The following CAVIN1 variants were observed in gnomAD, a reference collection of about 807,000 sequenced individuals.
CAVIN1 encodes caveolae-associated protein 1.
A neutral mutation model predicts 24.0 loss-of-function variants in CAVIN1; 16 were observed. The observed-to-expected ratio is 0.67, with a 90% CI of 0.45 to 1.01. The LOEUF (loss-of-function observed/expected upper bound fraction) is 1.01. Among genes scored for constraint, CAVIN1 ranks in the 50% least tolerant of loss-of-function variants. The pLI, the probability that CAVIN1 is intolerant of heterozygous loss-of-function variation, is 0.00. For synonymous variants in CAVIN1, 256 were observed against 256.4 expected, an observed-to-expected ratio of 1.00 and a Z score of 0.02; for missense variants, 510 against 551.7, an observed-to-expected ratio of 0.92 and a Z score of 0.76.
At position 42,411,192 on chromosome 17, in the gene CAVIN1, C is replaced by CAAA. The variant is rs71157624; in HGVS notation, c.472-5807_472-5805dup. Among the ~76,000 whole-genome samples, 26 of 46,660 alleles carry CAAA rather than the reference C, an allele frequency of 5.6e-4. 2 individuals are homozygous for CAAA. The South Asian group carries it at 0.025, about 45-fold the overall frequency. 30.6% of individuals were successfully genotyped at this position (46,660 alleles called of 152,430 possible). ...TGGGTGACAGAGTAGGACTATGTCT[C>CAAA]AAAAAAAAAAAAAAAAACTAAAAGG... is the stretch of plus-strand genomic sequence containing the variant. On this transcript the variant is annotated intron_variant, in intron 1 of 1. Transcript: ENST00000357037.
intron 1 of CAVIN1, among the ~76,000 whole-genome samples, chr17:42,415,267 G>A (rs1193836290): frequency 1.3e-5 from 2 of 152,184 alleles, no homozygotes; most frequent in Non-Finnish European, 2.9e-5. Context: ...TGAGTGTAGC[G>A]GAAGGGTACA....
Position 42,404,998 on chromosome 17 carries a change from C to T in CAVIN1, c.862G>A (p.Glu288Lys), listed in dbSNP as rs1447105147. 6.2e-7 allele frequency: 1 copy of T among 1,614,140 alleles called. No homozygotes were observed. Among genetic ancestry groups the T allele is most frequent in the Non-Finnish European group, 8.5e-7 (1 of 1,180,006 alleles). The change falls in exon 2 of 2, where the codon GAG becomes AAG. Residue 288 changes from glutamate (E) to lysine (K), a missense_variant. Coordinates refer to ENST00000357037, the MANE Select transcript of CAVIN1 (RefSeq NM_012232.6). ...TTGTCCCGCGACGTCTTCAGTTTCT[C>T]GCGCCGCTCGGCGGGCACCAGGCGC... ...GTRLVPAERR[E>K]KLKTSRDKLR...
At chr17:42,420,820 T>A (rs1229020852) in intron 1 of CAVIN1, among the ~76,000 whole-genome samples, 1 of 152,148 alleles carries the variant, frequency 6.6e-6, no homozygotes, top group Non-Finnish European at 1.5e-5. Context: ...TGGTCTGGGA[T>A]AGTTAGCGTG....
At chr17:42,413,898 G>T (rs72823055) in intron 1 of CAVIN1, among the ~76,000 whole-genome samples, 20,057 of 151,928 alleles carry the variant, frequency 0.13, 1,422 homozygotes, top group East Asian at 0.26. Flanking sequence ...CCAGTTTTGT[G>T]GTTGTTGTTT....
chr17:42,411,618 G>A, intron 1 of CAVIN1: 1 of 985,388 alleles, frequency 1.0e-6, no homozygotes, highest in Non-Finnish European at 1.2e-6. Flanking sequence ...TCAGCTGCAG[G>A]GAGTGGGTGG....
intron 1 of CAVIN1, among the ~76,000 whole-genome samples, chr17:42,405,693 T>TTTTTTG (rs2085442134): frequency 1.6e-5 from 1 of 60,850 alleles, no homozygotes. Flanking sequence ...TTTTTTTTTT[T>TTTTTTG]TTTTTTTTTT....
chr17:42,411,098 C>G (rs2145477848), intron 1 of CAVIN1, among the ~76,000 whole-genome samples: 1 of 141,516 alleles, frequency 7.1e-6, no homozygotes, highest in South Asian at 2.3e-4. Context: ...GAGGCTGAGG[C>G]AGGAGAATCA....
chr17:42,408,091 C>T (rs1217890851), intron 1 of CAVIN1, among the ~76,000 whole-genome samples: 2 of 152,122 alleles, frequency 1.3e-5, no homozygotes, highest in Non-Finnish European at 2.9e-5. Context: ...AACCCACCCA[C>T]GCCCCACCAA....
At chr17:42,419,517 G>T (rs1289410989) in intron 1 of CAVIN1, among the ~76,000 whole-genome samples, 1 of 151,912 alleles carries the variant, frequency 6.6e-6, no homozygotes, top group Non-Finnish European at 1.5e-5. Context: ...CACCATGTTG[G>T]CCAGGCTGGT....
chr17:42,417,110 C>T (rs1426253564), intron 1 of CAVIN1, among the ~76,000 whole-genome samples: 1 of 152,124 alleles, frequency 6.6e-6, no homozygotes, highest in Non-Finnish European at 1.5e-5. Context: ...TCATGAGCCG[C>T]ATAGCAACGT....
intron 1 of CAVIN1, among the ~76,000 whole-genome samples, chr17:42,410,111 A>G (rs981785770): frequency 2.0e-5 from 3 of 152,102 alleles, no homozygotes; most frequent in African/African-American, 7.2e-5. Context: ...GTCATTGAGC[A>G]CCTATTACAC....
At chr17:42,408,773 A>ACG (rs2085459894) in intron 1 of CAVIN1, among the ~76,000 whole-genome samples, 1 of 143,368 alleles carries the variant, frequency 7.0e-6, no homozygotes. Context: ...TTACAAGCCT[A>ACG]AGCCACCGTG....
At chr17:42,411,083 C>T (rs577230075) in intron 1 of CAVIN1, among the ~76,000 whole-genome samples, 15 of 148,550 alleles carry the variant, frequency 1.0e-4, no homozygotes, top group African/African-American at 2.5e-4. Flanking sequence ...ATCCCAGCTA[C>T]TTGGGAGGCT....
intron 1 of CAVIN1, among the ~76,000 whole-genome samples, chr17:42,411,020 C>T (rs2085473171): frequency 6.8e-6 from 1 of 148,148 alleles, no homozygotes; most frequent in African/African-American, 2.5e-5. Flanking sequence ...TTCGAAACCC[C>T]GTCTCTACCA....
At chr17:42,407,138 T>A (rs910988358) in intron 1 of CAVIN1, among the ~76,000 whole-genome samples, 2 of 151,850 alleles carry the variant, frequency 1.3e-5, no homozygotes, top group African/African-American at 4.8e-5. Context: ...TCAGAATCTC[T>A]GGATCACTCC....
At chr17:42,407,921 G>A (rs2085454932) in intron 1 of CAVIN1, among the ~76,000 whole-genome samples, 2 of 151,922 alleles carry the variant, frequency 1.3e-5, no homozygotes, top group African/African-American at 4.8e-5. Context: ...CCCTTACCCT[G>A]CCTGCTACTG....
At chr17:42,419,734 A>G (rs191627442) in intron 1 of CAVIN1, among the ~76,000 whole-genome samples, 22 of 152,340 alleles carry the variant, frequency 1.4e-4, no homozygotes, top group African/African-American at 5.0e-4. Flanking sequence ...AGCTGTTGCT[A>G]GCCAAGTGTC....
At position 42,422,653 on chromosome 17, in the gene CAVIN1, G is replaced by A; in HGVS notation, c.445C>T (p.Arg149Cys). Residue 149 changes from arginine (R) to cysteine (C), a missense_variant, in exon 1 of 2, where the codon CGC becomes TGC. Coordinates refer to ENST00000357037, the MANE Select transcript of CAVIN1 (RefSeq NM_012232.6). The part of the protein sequence containing the change: ...EVNEAELLRR[R>C]NFKVMIYQDE... ...TGGTAGATCATGACTTTAAAGTTGCGGCGCCGCAGCAGCTCGGCCTCGTTG... is the reference window on the plus strand; with the variant it reads ...TGGTAGATCATGACTTTAAAGTTGCAGCGCCGCAGCAGCTCGGCCTCGTTG... 1.3e-6 allele frequency: 2 copies of A among 1,593,262 alleles called. No homozygotes were observed. Among genetic ancestry groups the A allele is most frequent in the South Asian group, 1.1e-5 (1 of 88,240 alleles).
Position 42,422,662 on chromosome 17 carries a change from G to A in CAVIN1, c.436C>T (p.Leu146=). 1 of 1,599,544 alleles carries A rather than the reference G, an allele frequency of 6.3e-7. No homozygotes were observed. Among genetic ancestry groups the A allele is most frequent in the Non-Finnish European group, 8.5e-7 (1 of 1,173,492 alleles). Residue 146 remains leucine, a synonymous_variant, in exon 1 of 2, where the codon CTG becomes TTG. Transcript: ENST00000357037. ...ATGACTTTAAAGTTGCGGCGCCGCA[G>A]CAGCTCGGCCTCGTTGACCTCCAGC... ...KKLEVNEAEL[L]RRRNFKVMIY... is the part of the protein sequence containing the mutation.
Sources: allele counts gnomAD v4.1 joint callset (sites outside exome capture counted in the v4.1 genomes callset), GRCh38; gene constraint gnomAD v4.1.1; transcripts MANE v1.5; gene names NCBI Gene and HGNC (gene_info 2026-07-23, HGNC 2026-07-21).